The following EFNA5 variants were observed in gnomAD, a reference collection of about 807,000 sequenced individuals.
EFNA5 encodes the protein ephrin A5, also known as ephrin-A5.
In EFNA5, 5 loss-of-function variants were observed where a neutral mutation model predicts 22.9. The observed-to-expected ratio is 0.22, with a 90% CI of 0.11 to 0.46. The LOEUF (loss-of-function observed/expected upper bound fraction) is 0.46, where lower values mean the gene tolerates loss of function less well. EFNA5 is among the 20% of genes least tolerant of loss of function. The pLI, the probability that EFNA5 is intolerant of heterozygous loss-of-function variation, is 0.99. For synonymous variants in EFNA5, 113 were observed against 112.2 expected, an observed-to-expected ratio of 1.01 and a Z score of -0.04; for missense variants, 237 against 293.3, an observed-to-expected ratio of 0.81 and a Z score of 1.40.
intron 2 of EFNA5, among the ~76,000 whole-genome samples, chr5:107,405,099 C>A (rs913315394): frequency 6.6e-6 from 1 of 152,142 alleles, no homozygotes; most frequent in African/African-American, 2.4e-5. Context: ...ACCTAATGTT[C>A]CAAGAAGAAA....
chr5:107,496,164 T>TAA (rs35565454), intron 1 of EFNA5, among the ~76,000 whole-genome samples: 230 of 93,184 alleles, frequency 2.5e-3, no homozygotes, highest in African/African-American at 6.9e-3. Flanking sequence ...CTGTCTCTGC[T>TAA]AAAAAAAAAA....
intron 1 of EFNA5, among the ~76,000 whole-genome samples, chr5:107,565,234 C>T (rs1017475510): frequency 4.6e-5 from 7 of 152,056 alleles, no homozygotes; most frequent in African/African-American, 9.7e-5. Context: ...GCTGAAAGAC[C>T]ACAGAGTAGC....
chr5:107,576,744 A>G (rs1042150878), intron 1 of EFNA5, among the ~76,000 whole-genome samples: 3 of 152,240 alleles, frequency 2.0e-5, no homozygotes, highest in African/African-American at 7.2e-5. Context: ...CATGAGAATG[A>G]GGGAACACAT....
chr5:107,427,107 G>A (rs1580444228), intron 2 of EFNA5, 110 bp downstream of exon 2: 2 of 1,152,068 alleles, frequency 1.7e-6, no homozygotes. Flanking sequence ...TTTACAAGGA[G>A]ATATCTGTAA....
chr5:107,419,124 G>T (rs2112411589), intron 2 of EFNA5, among the ~76,000 whole-genome samples: 1 of 152,328 alleles, frequency 6.6e-6, no homozygotes, highest in South Asian at 2.1e-4. Context: ...AGCTGATGCT[G>T]CGTATGCATG....
chr5:107,465,480 C>A (rs1749949045), intron 1 of EFNA5, among the ~76,000 whole-genome samples: 1 of 152,106 alleles, frequency 6.6e-6, no homozygotes, highest in Non-Finnish European at 1.5e-5. Context: ...TCCAAAGACG[C>A]CACGTAAATG....
At chr5:107,646,099 C>T (rs2112548787) in intron 1 of EFNA5, among the ~76,000 whole-genome samples, 1 of 152,144 alleles carries the variant, frequency 6.6e-6, no homozygotes, top group East Asian at 1.9e-4. Context: ...GATAGGTGAG[C>T]AGAATCTAAC....
intron 1 of EFNA5, among the ~76,000 whole-genome samples, chr5:107,519,255 G>A (rs1046310173): frequency 6.6e-6 from 1 of 152,208 alleles, no homozygotes; most frequent in African/African-American, 2.4e-5. Context: ...CAGAATCATG[G>A]TCCAATTGTT....
chr5:107,569,455 G>A lies in EFNA5; in HGVS notation c.125+101034C>T, dbSNP rs1094192. On this transcript the variant is annotated intron_variant, in intron 1 of 4. Transcript: ENST00000333274. ...TATATATATATTTATATATGTGTGTGTATATATATTTATATATATGTGTAT... is the reference window on the plus strand; with the variant it reads ...TATATATATATTTATATATGTGTGTATATATATATTTATATATATGTGTAT... Among the ~76,000 whole-genome samples the A allele has an allele frequency of 4.2e-3, 517 of 124,258 alleles. 2 individuals are homozygous for A. Among genetic ancestry groups the A allele is most frequent in the African/African-American group, 0.015 (388 of 25,900 alleles). 81.5% of individuals were successfully genotyped at this position (124,258 alleles called of 152,430 possible). A position where few individuals can be genotyped will look rare whatever the true frequency, so the allele number is the denominator to read the frequency against.
intron 1 of EFNA5, among the ~76,000 whole-genome samples, chr5:107,648,328 T>C (rs1750666361): frequency 6.6e-6 from 1 of 152,194 alleles, no homozygotes; most frequent in African/African-American, 2.4e-5. Flanking sequence ...AATGGAGTCA[T>C]ATTTATGTAA....
At chr5:107,528,425 T>G (rs1580513804) in intron 1 of EFNA5, among the ~76,000 whole-genome samples, 1 of 152,184 alleles carries the variant, frequency 6.6e-6, no homozygotes, top group Non-Finnish European at 1.5e-5. Flanking sequence ...ATCTACTAAG[T>G]GCACTAATAA....
At chr5:107,448,880 TAAA>T (rs1009095566) in intron 1 of EFNA5, among the ~76,000 whole-genome samples, 3 of 148,444 alleles carry the variant, frequency 2.0e-5, no homozygotes, top group Non-Finnish European at 4.5e-5. Context: ...TAAAATAAAA[TAAA>T]AACAAAAATA....
intron 1 of EFNA5, among the ~76,000 whole-genome samples, chr5:107,611,576 CAGA>C (rs1323355576): frequency 6.6e-6 from 1 of 152,092 alleles, no homozygotes; most frequent in Non-Finnish European, 1.5e-5. Flanking sequence ...CACATACATC[CAGA>C]AGGTTATTTC....
intron 1 of EFNA5, among the ~76,000 whole-genome samples, chr5:107,537,977 G>A (rs147169538): frequency 6.6e-6 from 1 of 152,296 alleles, no homozygotes; most frequent in East Asian, 1.9e-4. Context: ...CTCCAGGGCT[G>A]AAGAAAAGGG....
intron 1 of EFNA5, among the ~76,000 whole-genome samples, chr5:107,614,541 G>T (rs1489292487): frequency 2.0e-5 from 3 of 152,124 alleles, no homozygotes; most frequent in Admixed American, 1.3e-4. Context: ...CATTTGTCAT[G>T]TGTCCATTTA....
chr5:107,613,760 T>C (rs1218092266), intron 1 of EFNA5, among the ~76,000 whole-genome samples: 1 of 152,118 alleles, frequency 6.6e-6, no homozygotes, highest in Non-Finnish European at 1.5e-5. Flanking sequence ...ATAAGACTCC[T>C]GATTAAATCT....
intron 1 of EFNA5, among the ~76,000 whole-genome samples, chr5:107,560,719 C>G (rs12657626): frequency 1.3e-5 from 2 of 152,180 alleles, no homozygotes; most frequent in East Asian, 3.8e-4. Flanking sequence ...ACTTGGGCTC[C>G]TCTCCTTGCT....
chr5:107,543,152 C>T (rs201026472), intron 1 of EFNA5, among the ~76,000 whole-genome samples: 4 of 152,114 alleles, frequency 2.6e-5, no homozygotes, highest in East Asian at 3.9e-4. Context: ...CAGGGCTTCC[C>T]GGCAGAGTTA....
chr5:107,482,802 CT>C, intron 1 of EFNA5, among the ~76,000 whole-genome samples: 1 of 97,098 alleles, frequency 1.0e-5, no homozygotes, highest in East Asian at 6.2e-4. Flanking sequence ...GCTGCTCTCT[CT>C]CTCTCTCTCT....
Sources: gnomAD v4.1 joint callset for allele counts (sites outside exome capture counted in the v4.1 genomes callset) on GRCh38, gnomAD v4.1.1 for gene constraint, MANE v1.5 for transcripts, NCBI Gene and HGNC (gene_info 2026-07-23, HGNC 2026-07-21) for gene names.